Variants in SORBS2 observed in about 807,000 individuals in gnomAD.
The protein encoded by SORBS2 is sorbin and SH3 domain containing 2, also known as sorbin and SH3 domain-containing protein 2.
Under a neutral mutation model 97.7 loss-of-function variants are expected in SORBS2, and 46 were observed. The observed-to-expected ratio is 0.47, with a 90% confidence interval of 0.37 to 0.60. SORBS2 has a LOEUF of 0.60. SORBS2 is among the 20% of genes least tolerant of loss of function. SORBS2 has a pLI of 0.00. For synonymous variants in SORBS2, 476 were observed against 473.4 expected (o/e 1.01, Z -0.07); for missense variants, 1,316 against 1,282.3 (o/e 1.03, Z -0.40).
At chr4:185,683,712 T>C (rs2097908847) in intron 2 of SORBS2, among the ~76,000 whole-genome samples, 1 of 152,132 alleles carries the variant, frequency 6.6e-6, no homozygotes, top group East Asian at 1.9e-4. Flanking sequence ...CATTTAAACT[T>C]GGACGTTGAA....
intron 1 of SORBS2, among the ~76,000 whole-genome samples, chr4:185,849,957 T>C (rs1373237327): frequency 6.6e-6 from 1 of 152,226 alleles, no homozygotes; most frequent in Non-Finnish European, 1.5e-5. Context: ...CTGCTTGCAA[T>C]GGCGTAAGGA....
At chr4:185,884,842 C>G (rs2099238585) in intron 1 of SORBS2, among the ~76,000 whole-genome samples, 1 of 152,212 alleles carries the variant, frequency 6.6e-6, no homozygotes, top group Non-Finnish European at 1.5e-5. Context: ...GCATACTCCT[C>G]TTTCAGTTCT....
chr4:185,810,335 G>A (rs1003831212), intron 1 of SORBS2, among the ~76,000 whole-genome samples: 8 of 152,116 alleles, frequency 5.3e-5, no homozygotes, highest in East Asian at 1.9e-4. Context: ...TGAAACAGGC[G>A]GTTCCTGCCC....
chr4:185,597,507 C>A (rs1427861316), intron 12 of SORBS2, among the ~76,000 whole-genome samples: 1 of 152,080 alleles, frequency 6.6e-6, no homozygotes, highest in South Asian at 2.1e-4. Flanking sequence ...TTTCTTAATA[C>A]GACAAATAGG....
At chr4:185,698,218 G>A (rs1390379192) in intron 2 of SORBS2, among the ~76,000 whole-genome samples, 1 of 152,224 alleles carries the variant, frequency 6.6e-6, no homozygotes, top group Non-Finnish European at 1.5e-5. Context: ...GCTCACGCCT[G>A]TAATCCCAGC....
intron 2 of SORBS2, among the ~76,000 whole-genome samples, chr4:185,713,810 C>T (rs11725143): frequency 8.2e-4 from 125 of 152,196 alleles, no homozygotes; most frequent in African/African-American, 2.9e-3. Flanking sequence ...CATGATATTG[C>T]AGCCTGGTAC....
At chr4:185,846,261 C>T (rs1362308445) in intron 1 of SORBS2, among the ~76,000 whole-genome samples, 1 of 152,184 alleles carries the variant, frequency 6.6e-6, no homozygotes, top group Admixed American at 6.5e-5. Flanking sequence ...ATGGACGCCT[C>T]TCAAATGCAT....
At chr4:185,588,517 T>C (rs990294603) in intron 14 of SORBS2, among the ~76,000 whole-genome samples, 58 of 152,060 alleles carry the variant, frequency 3.8e-4, no homozygotes, top group African/African-American at 1.4e-3. Flanking sequence ...GTCTCCTATA[T>C]CCTGGCACTT....
At chr4:185,649,840 C>A (rs1408536886) in intron 2 of SORBS2, among the ~76,000 whole-genome samples, 184 bp from the exon 12 acceptor site, 1 of 152,136 alleles carries the variant, frequency 6.6e-6, no homozygotes, top group Admixed American at 6.5e-5. Context: ...GTACTAATTT[C>A]CATTAATTTA....
intron 1 of SORBS2, among the ~76,000 whole-genome samples, chr4:185,882,291 T>C (rs1186633394): frequency 6.6e-6 from 1 of 152,208 alleles, no homozygotes; most frequent in Non-Finnish European, 1.5e-5. Flanking sequence ...ATTGTATTTC[T>C]ATACACCAGC....
At chr4:185,673,804 A>T (rs759345221) in intron 4 of SORBS2, among the ~76,000 whole-genome samples, 2 of 152,206 alleles carry the variant, frequency 1.3e-5, no homozygotes, top group African/African-American at 2.4e-5. Flanking sequence ...CTTCCCCACT[A>T]TGGAATCAAT....
chr4:185,746,856 C>T (rs201709792), intron 2 of SORBS2, among the ~76,000 whole-genome samples: 1 of 152,186 alleles, frequency 6.6e-6, no homozygotes, highest in East Asian at 1.9e-4. Flanking sequence ...TGAATTGTGC[C>T]CTCTTAAATT....
At chr4:185,869,820 T>G (rs551236535) in intron 1 of SORBS2, among the ~76,000 whole-genome samples, 4 of 152,328 alleles carry the variant, frequency 2.6e-5, no homozygotes, top group Non-Finnish European at 5.9e-5. Context: ...CTCTGCAGAT[T>G]TAGCAAATTC....
Position 185,671,988 on chromosome 4 carries a change from G to A in SORBS2, c.-46+6435C>T, listed in dbSNP as rs74619196. Among the ~76,000 whole-genome samples the A allele has an allele frequency of 7.4e-3, 1,127 of 152,310 alleles. 15 individuals carry two copies. Among genetic ancestry groups the A allele is most frequent in the South Asian group, 0.019 (94 of 4,824 alleles). On this transcript the variant is annotated intron_variant, in intron 4 of 20. Coordinates refer to the SORBS2 transcript ENST00000284776. ...ATTATTTAAATACATGCATATGCAT[G>A]CGCATGCACAGACATCAAATGGAGA...
chr4:185,730,033 A>G lies in SORBS2; in HGVS notation c.-198+45194T>C, dbSNP rs1264671795. Among the ~76,000 whole-genome samples the G allele has an allele frequency of 3.9e-5, 6 of 152,188 alleles. No individual in the cohort carries two copies. In the East Asian group the frequency reaches 1.2e-3, roughly 29 times the overall value. ...AGTAGAGCCATCTCGGCTCACTGCAAGCTCCGCCTCCCGGGTTCACGCCAT... is the reference window on the plus strand; with the variant it reads ...AGTAGAGCCATCTCGGCTCACTGCAGGCTCCGCCTCCCGGGTTCACGCCAT... On this transcript the variant is annotated intron_variant, in intron 2 of 20. Transcript: ENST00000284776.
At chr4:185,615,301 A>C (rs1486425233) in intron 9 of SORBS2, 142 bp from the exon 22 acceptor site, 2 of 618,192 alleles carry the variant, frequency 3.2e-6, no homozygotes, top group Non-Finnish European at 5.8e-6. Flanking sequence ...CGATTAGATA[A>C]GAATGATCCT....
At chr4:185,853,270 A>G (rs984748458) in intron 1 of SORBS2, among the ~76,000 whole-genome samples, 6 of 152,222 alleles carry the variant, frequency 3.9e-5, no homozygotes, top group Admixed American at 6.5e-5. Flanking sequence ...ATCAAAGCTA[A>G]AAGAAATAAA....
At chr4:185,925,614 T>A (rs1016318995) in intron 1 of SORBS2, among the ~76,000 whole-genome samples, 2 of 152,198 alleles carry the variant, frequency 1.3e-5, no homozygotes, top group African/African-American at 4.8e-5. Context: ...AAATATATGA[T>A]GATGACTGTT....
At chr4:185,956,134 C>T (rs549042202) in intron 1 of SORBS2, 1 of 152,352 alleles carries the variant, frequency 6.6e-6, no homozygotes, top group African/African-American at 2.4e-5. Flanking sequence ...CCTCCAGGAT[C>T]AGCATCTCTG....
Sources: allele counts gnomAD v4.1 joint callset (sites outside exome capture counted in the v4.1 genomes callset), GRCh38; gene constraint gnomAD v4.1.1; transcripts MANE v1.5; gene names NCBI Gene and HGNC (gene_info 2026-07-23, HGNC 2026-07-21).